The following LRP6 variants were observed in gnomAD, a reference collection of about 807,000 sequenced individuals.
LRP6 encodes the protein low-density lipoprotein receptor-related protein 6.
In LRP6, 43 loss-of-function variants were observed where a neutral mutation model predicts 184.1. The observed-to-expected ratio is 0.23, with a 90% CI of 0.18 to 0.30. LRP6 has a LOEUF of 0.30. Among genes scored for constraint, LRP6 ranks in the 10% least tolerant of loss-of-function variants. The probability of loss-of-function intolerance (pLI) is 1.00; values close to 1 mark genes in which losing one functional copy is unlikely to be tolerated. For missense variants in LRP6, 1,571 were observed against 2,005.3 expected, an observed-to-expected ratio of 0.78 and a Z score of 4.14; for synonymous variants, 719 against 684.9, an observed-to-expected ratio of 1.05 and a Z score of -0.78.
intron 20 of LRP6, 24 bp downstream of exon 20, chr12:12,126,667 C>G: frequency 6.3e-7 from 1 of 1,587,044 alleles, no homozygotes; most frequent in Non-Finnish European, 8.7e-7. Flanking sequence ...AGACTTGATT[C>G]TCAATGGATC....
Position 12,213,812 on chromosome 12 carries a change from T to C in LRP6, c.450-10412A>G, listed in dbSNP as rs1269611872. On this transcript the variant is annotated intron_variant, in intron 2 of 22. Coordinates refer to ENST00000261349, the MANE Select transcript of LRP6 (RefSeq NM_002336.3). The stretch of plus-strand genomic sequence containing the variant: ...ATTTTCCTAATCTACTTGTTTAATA[T>C]CTATTTTTTACACCAATAATGTCTC... Among the ~76,000 whole-genome samples the C allele has an allele frequency of 4.6e-5, 7 of 152,244 alleles. No homozygotes were observed. The South Asian group carries it at 1.4e-3, about 32-fold the overall frequency.
rs1378967021 is a variant in LRP6 at position 12,117,220 on chromosome 12, G to T, written c.*3906C>A. 1 of 152,158 alleles carries T rather than the reference G, an allele frequency of 6.6e-6. No individual in the cohort carries two copies. The highest frequency in any genetic ancestry group is 2.4e-5 in the African/African-American group (1 of 41,436). The allele number at this position is 152,158 out of a possible 1,614,324, so 9.4% of individuals were successfully genotyped here. A position where few individuals can be genotyped will look rare whatever the true frequency, so the allele number is the denominator to read the frequency against. The stretch of plus-strand genomic sequence containing the variant: ...TAAATTCCTTGGGTTTAAGAATTCT[G>T]ATAATGTTTTAAACAACACCTGACT... On this transcript the variant is annotated 3_prime_UTR_variant, in exon 23 of 23. Coordinates refer to ENST00000261349, the MANE Select transcript of LRP6 (RefSeq NM_002336.3).
intron 1 of LRP6, 133 bp downstream of exon 1, chr12:12,266,548 T>A: frequency 1.6e-5 from 9 of 567,968 alleles, no homozygotes; most frequent in South Asian, 3.0e-5. Context: ...TCTCTCCCCC[T>A]CCCCACGACC....
chr12:12,171,396 C>A (rs947044061), intron 7 of LRP6, among the ~76,000 whole-genome samples: 1 of 151,964 alleles, frequency 6.6e-6, no homozygotes, highest in African/African-American at 2.4e-5. Context: ...GTGGCGGGTG[C>A]CCGTAGTCCC....
chr12:12,164,955 A>AAAAAAAAAAAAAAAAAAGG, intron 8 of LRP6, 124 bp downstream of exon 8: 1 of 528,566 alleles, frequency 1.9e-6, no homozygotes, highest in Non-Finnish European at 3.3e-6. Context: ...AAAAAAAAAA[A>AAAAAAAAAAAAAAAAAAGG]GGCGGGGGGG....
chr12:12,242,356 T>A (rs1010243013), intron 2 of LRP6, among the ~76,000 whole-genome samples: 2 of 152,218 alleles, frequency 1.3e-5, no homozygotes, highest in East Asian at 3.8e-4. Context: ...ACTCTGAACA[T>A]AATAACCATT....
At position 12,187,068 on chromosome 12, in the gene LRP6, A is replaced by G; in HGVS notation, c.699T>C (p.Phe233=). ...SLPHPFALTL[F]EDILYWTDWS... ...AGTCAGTCCAGTACAATATGTCCTC[A>G]AATAACGTCAAGGCAAAAGGATGTG... Residue 233 remains phenylalanine, a synonymous_variant, in exon 4 of 23, where the codon TTT becomes TTC. Coordinates refer to ENST00000261349, the MANE Select transcript of LRP6 (RefSeq NM_002336.3). 6.2e-7 allele frequency: 1 copy of G among 1,614,160 alleles called. No homozygotes were observed. Among genetic ancestry groups the G allele is most frequent in the South Asian group, 1.1e-5 (1 of 91,082 alleles).
chr12:12,133,860 G>GGGA (rs1332751548), intron 17 of LRP6, among the ~76,000 whole-genome samples: 9 of 71,986 alleles, frequency 1.3e-4, no homozygotes, highest in East Asian at 1.0e-3. Context: ...GGGGGGGGGG[G>GGGA]GGAGGGTAAA....
intron 1 of LRP6, among the ~76,000 whole-genome samples, chr12:12,266,249 G>A (rs910820887): frequency 6.6e-6 from 1 of 152,160 alleles, no homozygotes; most frequent in Non-Finnish European, 1.5e-5. Flanking sequence ...ACACCGAAAC[G>A]GGGTGGGGAG....
intron 1 of LRP6, among the ~76,000 whole-genome samples, chr12:12,260,891 A>G (rs999250098): frequency 1.3e-5 from 2 of 152,344 alleles, no homozygotes; most frequent in Non-Finnish European, 1.5e-5. Context: ...AATCTTTCTC[A>G]GAGTAGTTAC....
At chr12:12,139,976 T>C (rs921480968) in intron 15 of LRP6, among the ~76,000 whole-genome samples, 2 of 152,138 alleles carry the variant, frequency 1.3e-5, no homozygotes, top group South Asian at 2.1e-4. Flanking sequence ...GTAGGAGTTA[T>C]GTGGCTGGGG....
rs58540250 is a variant in LRP6 at position 12,164,919 on chromosome 12, T to TAAAA, written c.1762+156_1762+159dup. Among the ~76,000 whole-genome samples, 492 of 57,036 alleles carry TAAAA rather than the reference T, an allele frequency of 8.6e-3. 93 individuals carry two copies. The highest frequency in any genetic ancestry group is 0.024 in the East Asian group (18 of 754). 37.4% of individuals were successfully genotyped at this position (57,036 alleles called of 152,430 possible). A position where few individuals can be genotyped will look rare whatever the true frequency, so the allele number is the denominator to read the frequency against. ...CAACGTTTAAAAGGTCCCTTCTCAGTAAAAAAAAAAAAAAAAAAAAAAAAA... is the reference window on the plus strand; with the variant it reads ...CAACGTTTAAAAGGTCCCTTCTCAGTAAAAAAAAAAAAAAAAAAAAAAAAAAAAA... On this transcript the variant is annotated intron_variant, in intron 8 of 22. Coordinates refer to ENST00000261349, the MANE Select transcript of LRP6 (RefSeq NM_002336.3).
chr12:12,130,779 TTAC>T lies in LRP6; in HGVS notation c.4081+1_4081+3del. ...AGTAATTTATAGATCTCAGTCCTAC[TTAC>T]AACAATCCAGTTCATCTGACTTGTC... is the stretch of plus-strand genomic sequence containing the variant. On this transcript the variant is annotated splice_donor_variant and splice_donor_region_variant and intron_variant, in intron 19 of 22. Transcript: ENST00000261349. LOFTEE classifies it high-confidence loss of function. The T allele has an allele frequency of 6.3e-7, 1 of 1,589,028 alleles. No individual in the cohort carries two copies. The highest frequency in any genetic ancestry group is 8.6e-7 in the Non-Finnish European group (1 of 1,157,142).
At chr12:12,179,024 G>A (rs1249560503) in intron 7 of LRP6, among the ~76,000 whole-genome samples, 2 of 152,090 alleles carry the variant, frequency 1.3e-5, no homozygotes, top group Non-Finnish European at 2.9e-5. Context: ...TCCCCCAAAG[G>A]AAAATTGAGA....
rs530749566 is a variant in LRP6, at chr12:12,184,432, A to G, written c.845-321T>C. On this transcript the variant is annotated intron_variant, in intron 4 of 22. Transcript: ENST00000261349. ...AACAAAACCAATAAAACTAAGTGCT[A>G]TTTTGCACATTATAGACAATAAGTA... 1.2e-4 allele frequency among the ~76,000 whole-genome samples: 18 copies of G among 152,232 alleles called. No individual in the cohort carries two copies. In the East Asian group the frequency reaches 2.9e-3, roughly 24 times the overall value.
intron 2 of LRP6, among the ~76,000 whole-genome samples, chr12:12,239,505 T>C (rs1182931551): frequency 6.6e-6 from 1 of 152,206 alleles, no homozygotes; most frequent in African/African-American, 2.4e-5. Flanking sequence ...AAAACAGTCA[T>C]ATTTTATTCC....
chr12:12,227,511 G>C (rs946401798), intron 2 of LRP6, among the ~76,000 whole-genome samples: 1 of 151,480 alleles, frequency 6.6e-6, no homozygotes, highest in Middle Eastern at 3.2e-3. Context: ...AGGTTCAAGC[G>C]ATTTTCCTGC....
rs373953135 is a variant in LRP6, at chr12:12,162,417, G to C, written c.2055C>G (p.Thr685=). Residue 685 remains threonine (T), a splice_region_variant and synonymous_variant, in exon 10 of 23, where the codon ACC becomes ACG. Transcript: ENST00000261349. ...TGCCATTCATAAAGGCTCTGCTGAT[G>C]GTCTGCAAAAGAACATTAACAACTA... ...RIYWTDISLK[T]ISRAFMNGSA... 2.5e-6 allele frequency: 4 copies of C among 1,612,104 alleles called. No individual in the cohort carries two copies. In the African/African-American group the frequency reaches 5.3e-5, roughly 22 times the overall value.
chr12:12,167,419 G>A (rs1196205541), intron 7 of LRP6, among the ~76,000 whole-genome samples: 1 of 152,248 alleles, frequency 6.6e-6, no homozygotes, highest in East Asian at 1.9e-4. Flanking sequence ...CGAGACGGGT[G>A]GGTCACGAGG....
Sources: allele counts gnomAD v4.1 joint callset (sites outside exome capture counted in the v4.1 genomes callset), GRCh38; gene constraint gnomAD v4.1.1; transcripts MANE v1.5; gene names NCBI Gene and HGNC (gene_info 2026-07-23, HGNC 2026-07-21).